Variants in BCKDHB observed in about 807,000 individuals in gnomAD.
BCKDHB encodes the protein branched chain keto acid dehydrogenase E1 subunit beta.
A neutral mutation model predicts 48.5 loss-of-function variants in BCKDHB; 41 were observed. The ratio of observed to expected loss-of-function variants is 0.85; its 90% CI spans 0.66 to 1.10. The LOEUF is 1.10. BCKDHB is among the 50% of genes least tolerant of loss of function. The pLI is 0.00. For missense variants in BCKDHB, 496 were observed against 494.2 expected (o/e 1.00, Z -0.03); for synonymous variants, 201 against 174.8 (o/e 1.15, Z -1.18).
At chr6:80,439,948 G>T in the BCKDHB span, among the ~76,000 whole-genome samples, 1 of 152,278 alleles carries the variant, frequency 6.6e-6, no homozygotes, top group South Asian at 2.1e-4. Context: ...ATAGTATAAT[G>T]CCTTTTTTGG....
chr6:80,205,837 G>GTGTGTGTGTGT (rs1368120428), intron 8 of BCKDHB, among the ~76,000 whole-genome samples: 12 of 91,914 alleles, frequency 1.3e-4, no homozygotes, highest in African/African-American at 5.2e-4. Flanking sequence ...TGTGTGTGTA[G>GTGTGTGTGTGT]GTGGATTGGC....
chr6:80,411,745 C>G, the BCKDHB span, among the ~76,000 whole-genome samples: 1 of 152,226 alleles, frequency 6.6e-6, no homozygotes, highest in Non-Finnish European at 1.5e-5. Context: ...GTGAGCAAGG[C>G]TCTGTGGGCG....
chr6:80,387,642 T>C, the BCKDHB span, among the ~76,000 whole-genome samples: 1 of 152,252 alleles, frequency 6.6e-6, no homozygotes, highest in African/African-American at 2.4e-5. Context: ...TATGCAGCCA[T>C]TGACTTGGCA....
chr6:80,437,898 G>A, the BCKDHB span, among the ~76,000 whole-genome samples: 2 of 152,212 alleles, frequency 1.3e-5, no homozygotes, highest in South Asian at 2.1e-4. Context: ...TAGTTCTGCT[G>A]TACGTTCCAA....
At chr6:80,413,137 G>A in the BCKDHB span, among the ~76,000 whole-genome samples, 3 of 151,966 alleles carry the variant, frequency 2.0e-5, no homozygotes, top group South Asian at 2.1e-4. Flanking sequence ...CTCTTATAAT[G>A]ATATATAATT....
At chr6:80,358,927 A>G in the BCKDHB span, among the ~76,000 whole-genome samples, 17 of 152,360 alleles carry the variant, frequency 1.1e-4, no homozygotes, top group South Asian at 3.5e-3. Flanking sequence ...GATGTGTGGC[A>G]TGACAAGCAG....
chr6:80,340,179 C>T (rs1440910591), intron 9 of BCKDHB, among the ~76,000 whole-genome samples: 3 of 152,186 alleles, frequency 2.0e-5, no homozygotes, highest in East Asian at 1.9e-4. Flanking sequence ...AATTTCACAG[C>T]GTCTTTTGGA....
the BCKDHB span, among the ~76,000 whole-genome samples, chr6:80,412,328 G>A: frequency 1.3e-5 from 2 of 151,690 alleles, no homozygotes; most frequent in South Asian, 2.1e-4. Context: ...ATTTTTTTTA[G>A]TAGAGATGGG....
At chr6:80,161,776 A>G (rs1476840214) in intron 3 of BCKDHB, among the ~76,000 whole-genome samples, 3 of 152,198 alleles carry the variant, frequency 2.0e-5, no homozygotes, top group Non-Finnish European at 4.4e-5. Context: ...CATTAGCAAT[A>G]ACAGTGGTCT....
chr6:80,347,003 G>GAA (rs201565085), downstream of BCKDHB, among the ~76,000 whole-genome samples: 1,854 of 143,460 alleles, frequency 0.013, 46 homozygotes, highest in African/African-American at 0.043. Context: ...AAAGCAAAAA[G>GAA]AAAAAAAAAA....
intron 6 of BCKDHB, among the ~76,000 whole-genome samples, chr6:80,193,821 G>T (rs1774013898): frequency 6.6e-6 from 1 of 152,070 alleles, no homozygotes; most frequent in South Asian, 2.1e-4. Context: ...TTCATTTAGT[G>T]GTCAAGAGTG....
intron 6 of BCKDHB, among the ~76,000 whole-genome samples, chr6:80,187,979 A>G (rs1239815048): frequency 6.6e-6 from 1 of 152,220 alleles, no homozygotes; most frequent in East Asian, 1.9e-4. Flanking sequence ...ATTATTGAAT[A>G]TATGCCCAAA....
chr6:80,216,503 T>G (rs1775178077), intron 8 of BCKDHB, among the ~76,000 whole-genome samples: 1 of 152,178 alleles, frequency 6.6e-6, no homozygotes, highest in Admixed American at 6.5e-5. Context: ...ATTATATAAT[T>G]ATATTGTTCC....
At chr6:80,347,600 T>A (rs1770269226), downstream of BCKDHB, among the ~76,000 whole-genome samples, 1 of 152,210 alleles carries the variant, frequency 6.6e-6, no homozygotes, top group Admixed American at 6.5e-5. Flanking sequence ...ATTTTAAGGA[T>A]TTTCTCTTAG....
chr6:80,392,369 T>TTTTTTA, the BCKDHB span, among the ~76,000 whole-genome samples: 4 of 152,090 alleles, frequency 2.6e-5, no homozygotes, highest in South Asian at 4.1e-4. Flanking sequence ...TGTATTTTTT[T>TTTTTTA]TTTATTTATT....
intron 6 of BCKDHB, among the ~76,000 whole-genome samples, chr6:80,175,797 T>C (rs530950229): frequency 6.6e-6 from 1 of 152,316 alleles, no homozygotes; most frequent in South Asian, 2.1e-4. Flanking sequence ...CTGAAAGATA[T>C]AAGAAATATA....
At chr6:80,167,947 T>G (rs1179183195) in intron 4 of BCKDHB, 136 bp downstream of exon 4, 1 of 983,190 alleles carries the variant, frequency 1.0e-6, no homozygotes, top group African/African-American at 1.6e-5. Context: ...ATAATTTTGT[T>G]ATGAGCATAT....
chr6:80,415,469 T>C, the BCKDHB span, among the ~76,000 whole-genome samples: 1 of 152,180 alleles, frequency 6.6e-6, no homozygotes, highest in Non-Finnish European at 1.5e-5. Flanking sequence ...AATTCAGAGC[T>C]TTTAACATGA....
chr6:80,252,247 T>G (rs1339558356), intron 8 of BCKDHB, among the ~76,000 whole-genome samples: 1 of 152,168 alleles, frequency 6.6e-6, no homozygotes, highest in Non-Finnish European at 1.5e-5. Flanking sequence ...TAACAGAAAT[T>G]TCCTTCATAC....
Sources: gnomAD v4.1 joint callset for allele counts (sites outside exome capture counted in the v4.1 genomes callset) on GRCh38, gnomAD v4.1.1 for gene constraint, MANE v1.5 for transcripts, NCBI Gene and HGNC (gene_info 2026-07-23, HGNC 2026-07-21) for gene names.